The following FRMPD4 variants were observed in gnomAD, a reference collection of about 807,000 sequenced individuals.
FRMPD4 encodes the protein FERM and PDZ domain containing 4.
A neutral mutation model predicts 94.1 loss-of-function variants in FRMPD4; 22 were observed. The ratio of observed to expected loss-of-function variants is 0.23; its 90% confidence interval spans 0.17 to 0.33. The LOEUF is 0.33. Ranked by LOEUF, FRMPD4 falls within the 10% of genes least tolerant of loss-of-function variation. The probability of loss-of-function intolerance (pLI) is 1.00; values close to 1 mark genes in which losing one functional copy is unlikely to be tolerated. For synonymous variants in FRMPD4, 631 were observed against 548.6 expected, an observed-to-expected ratio of 1.15 and a Z score of -2.10; for missense variants, 1,111 against 1,339.9, an observed-to-expected ratio of 0.83 and a Z score of 2.67.
At chrX:12,116,940 T>G (rs1392031347) in intron 3 of FRMPD4, among the ~76,000 whole-genome samples, 1 of 112,458 alleles carries the variant, frequency 8.9e-6, no homozygotes, top group Non-Finnish European at 1.9e-5. Flanking sequence ...TTTATCTTCA[T>G]TTATTTATTT....
At chrX:12,330,274 C>T (rs1400467849) in intron 1 of FRMPD4, among the ~76,000 whole-genome samples, 1 of 110,901 alleles carries the variant, frequency 9.0e-6, no homozygotes, top group Non-Finnish European at 1.9e-5. Flanking sequence ...GTTACCATAT[C>T]CCGTGATAAT....
intron 4 of FRMPD4, among the ~76,000 whole-genome samples, chrX:12,636,617 T>G (rs1398811719): frequency 1.8e-5 from 2 of 112,608 alleles, no homozygotes; most frequent in Non-Finnish European, 3.7e-5. Flanking sequence ...AAAAACTATT[T>G]GGCTACCTCA....
At chrX:12,144,504 T>C (rs2055736370) in intron 1 of FRMPD4, among the ~76,000 whole-genome samples, 1 of 109,734 alleles carries the variant, frequency 9.1e-6, no homozygotes, top group Non-Finnish European at 1.9e-5. Flanking sequence ...CTTTCAGAAA[T>C]ATATTTTCAA....
At chrX:11,976,782 G>T (rs1478524450) in intron 3 of FRMPD4, among the ~76,000 whole-genome samples, 2 of 111,839 alleles carry the variant, frequency 1.8e-5, no homozygotes, top group African/African-American at 6.5e-5. Flanking sequence ...GATTAACATT[G>T]CTCAAAAAGA....
At chrX:12,189,058 G>A (rs1555931747) in intron 1 of FRMPD4, among the ~76,000 whole-genome samples, 1 of 111,237 alleles carries the variant, frequency 9.0e-6, no homozygotes, top group African/African-American at 3.3e-5. Flanking sequence ...GACTAAGAAC[G>A]AAAGAGAGAA....
At chrX:11,902,069 T>C (rs2053941294) in intron 3 of FRMPD4, among the ~76,000 whole-genome samples, 1 of 112,572 alleles carries the variant, frequency 8.9e-6, no homozygotes, top group African/African-American at 3.2e-5. Flanking sequence ...ACTATGCTGC[T>C]TATTTCTTTT....
intron 1 of FRMPD4, among the ~76,000 whole-genome samples, chrX:12,477,981 A>G (rs2057624866): frequency 8.9e-6 from 1 of 111,952 alleles, no homozygotes; most frequent in East Asian, 2.8e-4. Context: ...CCCATGAAAA[A>G]TTGGAGCACT....
rs183670766 is a variant in FRMPD4 at position 12,085,398 on chromosome X, G to T, written c.95+207380G>T. On this transcript the variant is annotated intron_variant, in intron 3 of 18. Coordinates refer to the FRMPD4 transcript ENST00000640291. ...TTTTTTAAAAAAATAGCTAGATGCA[G>T]TGTCTCATACCTATAGTCCCAGCTA... 1.6e-4 allele frequency among the ~76,000 whole-genome samples: 18 copies of T among 111,470 alleles called. No individual in the cohort carries two copies. The East Asian group carries it at 5.0e-3, about 31-fold the overall frequency.
At chrX:11,949,058 ATCT>A (rs1260762552) in intron 3 of FRMPD4, among the ~76,000 whole-genome samples, 1 of 112,184 alleles carries the variant, frequency 8.9e-6, no homozygotes, top group East Asian at 2.8e-4. Context: ...AGCTCCTAGA[ATCT>A]TCTTCTTGGC....
At chrX:11,985,434 G>T (rs557163956) in intron 3 of FRMPD4, among the ~76,000 whole-genome samples, 2 of 112,303 alleles carry the variant, frequency 1.8e-5, no homozygotes, top group African/African-American at 6.5e-5. Flanking sequence ...TGGGTGAGAT[G>T]CTGAGACCTG....
intron 1 of FRMPD4, among the ~76,000 whole-genome samples, chrX:12,288,584 C>A (rs1317127903): frequency 1.8e-5 from 2 of 111,479 alleles, no homozygotes; most frequent in African/African-American, 6.5e-5. Context: ...AAAGACTATA[C>A]TTCCTATTTT....
intron 3 of FRMPD4, among the ~76,000 whole-genome samples, chrX:11,891,595 T>C (rs762616859): frequency 2.7e-5 from 3 of 112,192 alleles, no homozygotes; most frequent in Non-Finnish European, 5.6e-5. Context: ...ACACTGGGTA[T>C]GCAGTATTGT....
chrX:11,993,006 T>G (rs1173063030), intron 3 of FRMPD4, among the ~76,000 whole-genome samples: 1 of 110,167 alleles, frequency 9.1e-6, no homozygotes, highest in African/African-American at 3.3e-5. Flanking sequence ...TTTTTGGTTT[T>G]GTTTTGTTTT....
intron 3 of FRMPD4, among the ~76,000 whole-genome samples, chrX:12,013,043 C>G (rs2147416084): frequency 8.9e-6 from 1 of 111,784 alleles, no homozygotes; most frequent in East Asian, 2.8e-4. Context: ...GTTTCAATCT[C>G]TGGTCAGATC....
At chrX:12,081,985 A>G (rs2147484505) in intron 3 of FRMPD4, among the ~76,000 whole-genome samples, 1 of 112,263 alleles carries the variant, frequency 8.9e-6, no homozygotes, top group East Asian at 2.8e-4. Context: ...AACACAAGTC[A>G]TTTTCTATAG....
chrX:11,912,923 T>C (rs1186439645), intron 3 of FRMPD4, among the ~76,000 whole-genome samples: 1 of 111,882 alleles, frequency 8.9e-6, no homozygotes, highest in Non-Finnish European at 1.9e-5. Context: ...TTCATTTTAC[T>C]TTACTTAATT....
Position 12,023,244 on chromosome X carries a change from C to T in FRMPD4, c.95+145226C>T, listed in dbSNP as rs750595982. ...GCCAATGCCTTGATCGTATACTTTT[C>T]AGCCTCCAGAACTTTGAGAAATAAA... is the stretch of plus-strand genomic sequence containing the variant. On this transcript the variant is annotated intron_variant, in intron 3 of 18. Coordinates refer to the FRMPD4 transcript ENST00000640291. Among the ~76,000 whole-genome samples, 3 of 111,457 alleles carry T rather than the reference C, an allele frequency of 2.7e-5. No individual in the cohort carries two copies. In the South Asian group the frequency reaches 1.2e-3, roughly 43 times the overall value.
chrX:12,592,364 T>C (rs776033864), intron 2 of FRMPD4, among the ~76,000 whole-genome samples: 39 of 112,224 alleles, frequency 3.5e-4, no homozygotes, highest in Admixed American at 1.0e-3. Context: ...TGTTTTTCTC[T>C]TATTAACCTA....
At chrX:12,392,480 G>A (rs770187518) in intron 1 of FRMPD4, among the ~76,000 whole-genome samples, 9 of 108,038 alleles carry the variant, frequency 8.3e-5, no homozygotes, top group African/African-American at 2.3e-4. Flanking sequence ...GTGAAACCCC[G>A]TCTCTACAAA....
Sources: allele counts gnomAD v4.1 joint callset (sites outside exome capture counted in the v4.1 genomes callset), GRCh38; gene constraint gnomAD v4.1.1; transcripts MANE v1.5; gene names NCBI Gene and HGNC (gene_info 2026-07-23, HGNC 2026-07-21).